Variants in SLC24A2 observed in about 807,000 individuals in gnomAD.
SLC24A2 encodes the protein sodium/potassium/calcium exchanger 2.
In SLC24A2, 36 loss-of-function variants were observed where a neutral mutation model predicts 62.0. The observed-to-expected ratio is 0.58, with a 90% CI of 0.44 to 0.77. SLC24A2 has a LOEUF of 0.77. Among genes scored for constraint, SLC24A2 ranks in the 30% least tolerant of loss-of-function variants. The probability of loss-of-function intolerance (pLI) is 0.00; values close to 1 mark genes in which losing one functional copy is unlikely to be tolerated. For synonymous variants in SLC24A2, 358 were observed against 294.0 expected (o/e 1.22, Z -2.23); for missense variants, 846 against 817.9 (o/e 1.03, Z -0.42).
At chr9:20,241,209 T>C in the SLC24A2 span, among the ~76,000 whole-genome samples, 2 of 152,246 alleles carry the variant, frequency 1.3e-5, no homozygotes, top group Non-Finnish European at 2.9e-5. Flanking sequence ...ACATTCACCA[T>C]ATTAGGACCC....
chr9:19,625,762 C>G (rs564737878), intron 2 of SLC24A2, among the ~76,000 whole-genome samples: 1 of 150,610 alleles, frequency 6.6e-6, no homozygotes, highest in Non-Finnish European at 1.5e-5. Flanking sequence ...TCTCAGCTCA[C>G]TGCAACCTCT....
At chr9:19,850,974 T>TATATATATACACATAC in the SLC24A2 span, among the ~76,000 whole-genome samples, 224 of 46,888 alleles carry the variant, frequency 4.8e-3, 11 homozygotes, top group Middle Eastern at 9.8e-3. Flanking sequence ...TATGTATATA[T>TATATATATACACATAC]ATATATATAT....
chr9:19,885,798 A>T, the SLC24A2 span, among the ~76,000 whole-genome samples: 2 of 152,018 alleles, frequency 1.3e-5, no homozygotes, highest in African/African-American at 4.8e-5. Flanking sequence ...CCCTGTATCT[A>T]CCCACGTGTT....
intron 2 of SLC24A2, among the ~76,000 whole-genome samples, chr9:19,642,671 CTTTTTTTTTTTTTT>C (rs71335440): frequency 1.3e-5 from 1 of 79,848 alleles, no homozygotes; most frequent in African/African-American, 4.8e-5. Context: ...AGAGCGTATT[CTTTTTTTTTTTTTT>C]TTTTTTTTTT....
At chr9:20,145,949 G>GA in the SLC24A2 span, among the ~76,000 whole-genome samples, 1 of 5,726 alleles carries the variant, frequency 1.7e-4, no homozygotes, top group Non-Finnish European at 7.8e-4. Flanking sequence ...ATCTTGTCAA[G>GA]TCAGTACATA....
the SLC24A2 span, among the ~76,000 whole-genome samples, chr9:20,105,938 G>T: frequency 6.6e-6 from 1 of 152,064 alleles, no homozygotes; most frequent in Admixed American, 6.6e-5. Flanking sequence ...CAACAAAATT[G>T]ATAAACCGCT....
the SLC24A2 span, among the ~76,000 whole-genome samples, chr9:20,172,704 A>G: frequency 6.6e-6 from 1 of 151,852 alleles, no homozygotes; most frequent in African/African-American, 2.4e-5. Flanking sequence ...AACATGAAAT[A>G]AAAAAATTAC....
chr9:20,105,032 G>C, the SLC24A2 span, among the ~76,000 whole-genome samples: 1 of 152,034 alleles, frequency 6.6e-6, no homozygotes. Flanking sequence ...AACAAAAAAA[G>C]GTAGGGGTTG....
chr9:19,743,125 A>C lies in SLC24A2; in HGVS notation c.930+42812T>G, dbSNP rs373974074. On this transcript the variant is annotated intron_variant, in intron 2 of 10. Transcript: ENST00000341998. ...ATTGTGTGCTTAACAACTATCTTAC[A>C]AGACAACAGCTTGTAAAAATTAAAA... Among the ~76,000 whole-genome samples, 8 of 149,044 alleles carry C rather than the reference A, an allele frequency of 5.4e-5. No homozygotes were observed. In the East Asian group the frequency reaches 1.4e-3, roughly 25 times the overall value.
the SLC24A2 span, chr9:19,967,320 T>C: frequency 6.6e-6 from 1 of 152,300 alleles, no homozygotes; most frequent in East Asian, 1.9e-4. Flanking sequence ...CACTTACACA[T>C]ACTTGTACAC....
intron 2 of SLC24A2, among the ~76,000 whole-genome samples, chr9:19,734,905 C>A (rs946022222): frequency 1.3e-5 from 2 of 151,950 alleles, no homozygotes; most frequent in Non-Finnish European, 2.9e-5. Flanking sequence ...ACCATAAAAA[C>A]CCTAGAAGAA....
intron 2 of SLC24A2, among the ~76,000 whole-genome samples, chr9:19,728,900 T>C (rs923488535): frequency 3.9e-5 from 6 of 152,050 alleles, no homozygotes; most frequent in Non-Finnish European, 5.9e-5. Context: ...AAGGAGAAAA[T>C]TTACTGTATG....
chr9:19,556,776 A>ACTAG lies in SLC24A2; in HGVS notation c.1348-6512_1348-6509dup, dbSNP rs567531233. On this transcript the variant is annotated intron_variant, in intron 7 of 10. Coordinates refer to ENST00000341998, the MANE Select transcript of SLC24A2 (RefSeq NM_020344.4). ...AACATAATTCATTGACTTTAAAAAC[A>ACTAG]CTAGTGCCTCTCACTGCCTTCTAGG... Among the ~76,000 whole-genome samples, 247 of 152,332 alleles carry ACTAG rather than the reference A, an allele frequency of 1.6e-3. 4 individuals are homozygous for ACTAG. The highest frequency in any genetic ancestry group is 2.4e-4 in the Non-Finnish European group (16 of 68,034).
chr9:19,788,163 G>A (rs983503504), intron 1 of SLC24A2, among the ~76,000 whole-genome samples: 16 of 152,314 alleles, frequency 1.1e-4, no homozygotes, highest in African/African-American at 3.6e-4. Context: ...GGTTTTCAGA[G>A]CAAAGCAAGA....
chr9:20,280,183 G>C, the SLC24A2 span, among the ~76,000 whole-genome samples: 4 of 152,200 alleles, frequency 2.6e-5, no homozygotes, highest in Non-Finnish European at 5.9e-5. Flanking sequence ...GCTGAATGGG[G>C]CTCCGAAGAA....
chr9:19,606,623 T>G (rs988583806), intron 4 of SLC24A2, among the ~76,000 whole-genome samples: 5 of 152,108 alleles, frequency 3.3e-5, no homozygotes, highest in African/African-American at 1.2e-4. Flanking sequence ...GGAAATATGT[T>G]TCGTAAATGA....
the SLC24A2 span, among the ~76,000 whole-genome samples, chr9:20,021,073 T>C: frequency 6.6e-6 from 1 of 152,216 alleles, no homozygotes; most frequent in Admixed American, 6.5e-5. Context: ...TATATTCATA[T>C]AAATTATACA....
chr9:20,010,491 A>G, the SLC24A2 span, among the ~76,000 whole-genome samples: 2 of 152,228 alleles, frequency 1.3e-5, no homozygotes, highest in Non-Finnish European at 2.9e-5. Context: ...TATGGATACA[A>G]AATTAAGTAA....
At chr9:19,552,844 G>C (rs951388857) in intron 7 of SLC24A2, among the ~76,000 whole-genome samples, 6 of 152,324 alleles carry the variant, frequency 3.9e-5, no homozygotes, top group African/African-American at 1.4e-4. Context: ...GCAAATAGCA[G>C]AAAATAATAA....
Sources: gnomAD v4.1 joint callset for allele counts (sites outside exome capture counted in the v4.1 genomes callset) on GRCh38, gnomAD v4.1.1 for gene constraint, MANE v1.5 for transcripts, NCBI Gene and HGNC (gene_info 2026-07-23, HGNC 2026-07-21) for gene names.